The following GPM6A variants were observed in gnomAD, a reference collection of about 807,000 sequenced individuals.
GPM6A encodes glycoprotein M6A, also known as neuronal membrane glycoprotein M6-a.
In GPM6A, 7 loss-of-function variants were observed where a neutral mutation model predicts 32.1. That is an observed-to-expected ratio of 0.22 (90% CI 0.12 to 0.41). The LOEUF is 0.41. GPM6A is among the 10% of genes least tolerant of loss of function. The pLI is 1.00. For missense variants in GPM6A, 235 were observed against 347.2 expected (o/e 0.68, Z 2.57); for synonymous variants, 130 against 123.4 (o/e 1.05, Z -0.35).
At chr4:175,832,311 G>A (rs17062117) in intron 1 of GPM6A, among the ~76,000 whole-genome samples, 9,129 of 152,168 alleles carry the variant, frequency 0.06, 887 homozygotes, top group African/African-American at 0.21. Flanking sequence ...CTCAACCTCA[G>A]CTAAACAAGA....
At chr4:175,932,309 C>A (rs548754354) in intron 1 of GPM6A, among the ~76,000 whole-genome samples, 14 of 152,098 alleles carry the variant, frequency 9.2e-5, no homozygotes, top group African/African-American at 2.9e-4. Flanking sequence ...CAAGACTGCA[C>A]ACAATGCTCT....
chr4:175,741,714 C>T (rs1731895205), intron 1 of GPM6A, among the ~76,000 whole-genome samples: 1 of 152,078 alleles, frequency 6.6e-6, no homozygotes, highest in Non-Finnish European at 1.5e-5. Flanking sequence ...GGATATATGT[C>T]TCATTTATCT....
chr4:175,942,182 TGA>T (rs59024728), intron 1 of GPM6A, among the ~76,000 whole-genome samples: 9,015 of 152,264 alleles, frequency 0.059, 825 homozygotes, highest in African/African-American at 0.2. Context: ...TGTCTTCTTT[TGA>T]GAAGTGTATG....
intron 1 of GPM6A, among the ~76,000 whole-genome samples, chr4:175,758,236 CA>C (rs534530915): frequency 6.6e-6 from 1 of 151,704 alleles, no homozygotes; most frequent in African/African-American, 2.4e-5. Context: ...AGGGCTGGGA[CA>C]AAAAAATGCT....
At chr4:175,977,984 G>C (rs1740710363) in intron 1 of GPM6A, among the ~76,000 whole-genome samples, 1 of 152,078 alleles carries the variant, frequency 6.6e-6, no homozygotes, top group South Asian at 2.1e-4. Flanking sequence ...AGGTTCAAAG[G>C]TTTCTCCAAA....
intron 1 of GPM6A, among the ~76,000 whole-genome samples, chr4:175,761,657 A>G (rs1263134085): frequency 6.6e-6 from 1 of 152,168 alleles, no homozygotes; most frequent in East Asian, 1.9e-4. Flanking sequence ...AAGGTTTTTT[A>G]AAGTAATAAA....
intron 1 of GPM6A, among the ~76,000 whole-genome samples, chr4:175,924,003 G>A (rs12507821): frequency 0.53 from 81,038 of 152,002 alleles, 26,233 homozygotes; most frequent in Non-Finnish European, 0.7. Flanking sequence ...TCCTATTCGA[G>A]TATTTGTCCT....
intron 1 of GPM6A, chr4:175,787,657 C>A: frequency 8.4e-7 from 1 of 1,193,512 alleles, no homozygotes. Context: ...TCTTCCTAGT[C>A]AGACAAATTT....
Position 176,002,314 on chromosome 4 carries a change from G to A in GPM6A, c.-28C>T, listed in dbSNP as rs1490436578. The A allele has an allele frequency of 2.7e-5, 43 of 1,596,720 alleles. No individual in the cohort carries two copies. The East Asian group carries it at 9.8e-4, about 36-fold the overall frequency. On this transcript the variant is annotated 5_prime_UTR_variant, in exon 1 of 8. Coordinates refer to the GPM6A transcript ENST00000280187. ...GCGCCCGCCCGCGCACTCACCCATG[G>A]CCCGAGGTCCTGCTTCTCTGCAGTC...
intron 1 of GPM6A, among the ~76,000 whole-genome samples, chr4:175,889,668 C>T (rs1737576709): frequency 6.6e-6 from 1 of 152,090 alleles, no homozygotes; most frequent in African/African-American, 2.4e-5. Context: ...AAAAACTTAG[C>T]TGGGCGTGGT....
intron 1 of GPM6A, among the ~76,000 whole-genome samples, chr4:175,882,172 A>G (rs1475611083): frequency 6.6e-6 from 1 of 152,010 alleles, no homozygotes; most frequent in Non-Finnish European, 1.5e-5. Context: ...GTCAAGAAAG[A>G]CATAATTGTT....
At chr4:175,685,916 A>AGT (rs56903622) in intron 2 of GPM6A, among the ~76,000 whole-genome samples, 2,030 of 149,462 alleles carry the variant, frequency 0.014, 15 homozygotes, top group African/African-American at 0.022. Context: ...GATCATTAAA[A>AGT]GTGTGTGTGT....
intron 1 of GPM6A, among the ~76,000 whole-genome samples, chr4:175,751,146 C>A (rs1435866773): frequency 6.6e-6 from 1 of 151,562 alleles, no homozygotes; most frequent in African/African-American, 2.4e-5. Context: ...AACAAAAATT[C>A]AAATACAGCA....
At chr4:175,639,809 T>C (rs771485335) in intron 6 of GPM6A, among the ~76,000 whole-genome samples, 48 of 152,248 alleles carry the variant, frequency 3.2e-4, no homozygotes, top group Non-Finnish European at 4.1e-4. Context: ...AATCAAGGAA[T>C]TGATTAGATT....
chr4:175,812,952 A>G (rs1297018052), upstream of GPM6A: 1 of 985,328 alleles, frequency 1.0e-6, no homozygotes, highest in Non-Finnish European at 1.2e-6. Context: ...AGGACTTGTA[A>G]TCCCACACCT....
At chr4:175,646,483 G>T (rs1174876531) in intron 4 of GPM6A, among the ~76,000 whole-genome samples, 1 of 152,146 alleles carries the variant, frequency 6.6e-6, no homozygotes, top group African/African-American at 2.4e-5. Context: ...GGTCTTGGCT[G>T]TCTTCTCTAG....
At chr4:175,855,467 T>G (rs1201879880) in intron 1 of GPM6A, among the ~76,000 whole-genome samples, 1 of 152,048 alleles carries the variant, frequency 6.6e-6, no homozygotes, top group African/African-American at 2.4e-5. Context: ...TGAAAAAAAC[T>G]TAAGAGGTTG....
intron 1 of GPM6A, among the ~76,000 whole-genome samples, chr4:175,722,855 C>A (rs1360507778): frequency 1.3e-5 from 2 of 150,008 alleles, no homozygotes; most frequent in Non-Finnish European, 3.0e-5. Flanking sequence ...GCCTGTCTGG[C>A]CAACATGGCA....
At chr4:175,741,545 C>T (rs1220059776) in intron 1 of GPM6A, among the ~76,000 whole-genome samples, 1 of 152,076 alleles carries the variant, frequency 6.6e-6, no homozygotes, top group Non-Finnish European at 1.5e-5. Context: ...CATCTTCCAT[C>T]AGGATCTTCT....
Sources: gnomAD v4.1 joint callset for allele counts (sites outside exome capture counted in the v4.1 genomes callset) on GRCh38, gnomAD v4.1.1 for gene constraint, MANE v1.5 for transcripts, NCBI Gene and HGNC (gene_info 2026-07-23, HGNC 2026-07-21) for gene names.